Variants in SHQ1 observed in about 807,000 individuals in gnomAD.
SHQ1 encodes the protein SHQ1, H/ACA ribonucleoprotein assembly factor.
SHQ1 carries 49 observed loss-of-function variants against 53.8 expected under a neutral mutation model. That is an observed-to-expected ratio of 0.91 (90% CI 0.72 to 1.16). SHQ1 has a LOEUF of 1.16. SHQ1 is among the 50% of genes most tolerant of loss of function. The pLI is 0.00. For synonymous variants in SHQ1, 243 were observed against 251.0 expected, an observed-to-expected ratio of 0.97 and a Z score of 0.30; for missense variants, 738 against 683.1, an observed-to-expected ratio of 1.08 and a Z score of -0.90.
chr3:72,765,557 A>ATATATATATATATATT (rs1491527508), intron 10 of SHQ1, among the ~76,000 whole-genome samples: 2 of 57,192 alleles, frequency 3.5e-5, no homozygotes, highest in African/African-American at 1.6e-4. Flanking sequence ...ATATATATAT[A>ATATATATATATATATT]TTTTTTTTTT....
chr3:72,768,443 A>G (rs146089724), intron 10 of SHQ1, among the ~76,000 whole-genome samples: 192 of 152,354 alleles, frequency 1.3e-3, no homozygotes, highest in African/African-American at 4.3e-3. Context: ...TGCCATCAGC[A>G]TCTAGGAAGA....
At chr3:72,833,202 G>A (rs917088603) in intron 4 of SHQ1, among the ~76,000 whole-genome samples, 10 of 152,252 alleles carry the variant, frequency 6.6e-5, no homozygotes, top group African/African-American at 2.4e-4. Context: ...AGCACTTTGG[G>A]AGGCCAAGGC....
At chr3:72,838,634 G>C (rs750897032) in intron 4 of SHQ1, among the ~76,000 whole-genome samples, 1 of 152,086 alleles carries the variant, frequency 6.6e-6, no homozygotes. Flanking sequence ...AAAATGGCTG[G>C]GATTACAGGC....
chr3:72,784,610 T>C (rs1312194964), intron 10 of SHQ1, among the ~76,000 whole-genome samples: 1 of 152,220 alleles, frequency 6.6e-6, no homozygotes, highest in Non-Finnish European at 1.5e-5. Context: ...CAAGAATGAT[T>C]TTAATCCAAG....
chr3:72,831,828 C>A (rs556406980), intron 5 of SHQ1, among the ~76,000 whole-genome samples: 67 of 152,232 alleles, frequency 4.4e-4, no homozygotes, highest in Non-Finnish European at 7.1e-4. Flanking sequence ...CAATTAATGC[C>A]AGTGGGAAAT....
chr3:72,810,371 T>C (rs1265530221), intron 9 of SHQ1, among the ~76,000 whole-genome samples: 4 of 152,176 alleles, frequency 2.6e-5, no homozygotes, highest in African/African-American at 9.7e-5. Context: ...AGAATCCTTG[T>C]AAAGGCTACT....
chr3:72,770,860 G>A (rs1187454354), intron 10 of SHQ1, among the ~76,000 whole-genome samples: 1 of 152,182 alleles, frequency 6.6e-6, no homozygotes, highest in Non-Finnish European at 1.5e-5. Flanking sequence ...CGAAGTAGGT[G>A]ATCCCCAGAA....
chr3:72,830,466 CTTT>C (rs1707792559), intron 5 of SHQ1, among the ~76,000 whole-genome samples: 1 of 151,766 alleles, frequency 6.6e-6, no homozygotes. Flanking sequence ...TAAAGTGAGC[CTTT>C]TTTTCTCCAC....
chr3:72,799,971 C>A (rs796639002), intron 9 of SHQ1, among the ~76,000 whole-genome samples: 10 of 152,152 alleles, frequency 6.6e-5, no homozygotes, highest in African/African-American at 2.4e-4. Flanking sequence ...CCTGACATAC[C>A]CCTCTATTAC....
At chr3:72,790,785 A>G (rs1025114300) in intron 10 of SHQ1, among the ~76,000 whole-genome samples, 1 of 152,244 alleles carries the variant, frequency 6.6e-6, no homozygotes. Context: ...ACTGAAAGCA[A>G]CACGCCTGTT....
At chr3:72,827,671 T>C (rs188668702) in intron 5 of SHQ1, among the ~76,000 whole-genome samples, 79 of 152,208 alleles carry the variant, frequency 5.2e-4, no homozygotes, top group Admixed American at 1.1e-3. Context: ...GCGCTGACGG[T>C]GACTAATGTT....
Position 72,842,409 on chromosome 3 carries a change from G to A in SHQ1, c.209-7C>T. 1 of 1,611,772 alleles carries A rather than the reference G, an allele frequency of 6.2e-7. No homozygotes were observed. Among genetic ancestry groups the A allele is most frequent in the Non-Finnish European group, 8.5e-7 (1 of 1,178,616 alleles). On this transcript the variant is annotated splice_region_variant and splice_polypyrimidine_tract_variant and intron_variant, in intron 2 of 10. Transcript: ENST00000325599. The stretch of plus-strand genomic sequence containing the variant: ...AGGCGAATGGTAAAAATTCCTTAAA[G>A]ATAAATTTGTTTTATGCTTAGATTA...
At chr3:72,757,643 C>T (rs1304413156) in intron 10 of SHQ1, among the ~76,000 whole-genome samples, 2 of 152,176 alleles carry the variant, frequency 1.3e-5, no homozygotes, top group Admixed American at 6.5e-5. Context: ...ACCATGCAGC[C>T]ATAAAAGGAA....
the SHQ1 span, among the ~76,000 whole-genome samples, chr3:72,737,605 C>T: frequency 6.6e-6 from 1 of 152,178 alleles, no homozygotes; most frequent in Non-Finnish European, 1.5e-5. Flanking sequence ...TTGCATATAA[C>T]CTATGTGCAT....
chr3:72,773,612 A>G (rs1411470853), intron 10 of SHQ1: 1 of 179,710 alleles, frequency 5.6e-6, no homozygotes, highest in Non-Finnish European at 1.2e-5. Context: ...GGTGGCAAGG[A>G]CAACAGGGAG....
intron 10 of SHQ1, among the ~76,000 whole-genome samples, chr3:72,788,890 AAG>A (rs1706343077): frequency 6.6e-6 from 1 of 152,136 alleles, no homozygotes; most frequent in East Asian, 1.9e-4. Context: ...CATACTCGTT[AAG>A]AGTCATCACC....
rs1274076915 is a variant in SHQ1 at position 72,796,692 on chromosome 3, C to T, written c.1061-3656G>A. Among the ~76,000 whole-genome samples the T allele has an allele frequency of 7.3e-5, 11 of 151,416 alleles. 1 individual carries two copies. The highest frequency in any genetic ancestry group is 3.4e-3 in the Middle Eastern group (1 of 290). On this transcript the variant is annotated intron_variant, in intron 9 of 10. Coordinates refer to ENST00000325599, the MANE Select transcript of SHQ1 (RefSeq NM_018130.3). ...AAAATTAGTCGGGCATGGTGGCATACGTCTGTAATCCCTGCTACTCGGGAG... is the reference window on the plus strand; with the variant it reads ...AAAATTAGTCGGGCATGGTGGCATATGTCTGTAATCCCTGCTACTCGGGAG...
At chr3:72,740,403 A>C in the SHQ1 span, among the ~76,000 whole-genome samples, 1 of 152,240 alleles carries the variant, frequency 6.6e-6, no homozygotes, top group Non-Finnish European at 1.5e-5. Context: ...TGAATTCAGC[A>C]CTGAAGATGG....
chr3:72,816,169 T>A (rs1054956814), intron 7 of SHQ1, among the ~76,000 whole-genome samples: 18 of 152,040 alleles, frequency 1.2e-4, no homozygotes, highest in African/African-American at 3.9e-4. Flanking sequence ...AATTGGTACA[T>A]AGAAAATTCT....
Sources: gnomAD v4.1 joint callset for allele counts (sites outside exome capture counted in the v4.1 genomes callset) on GRCh38, gnomAD v4.1.1 for gene constraint, MANE v1.5 for transcripts, NCBI Gene and HGNC (gene_info 2026-07-23, HGNC 2026-07-21) for gene names.